CNTN4: variants seen among roughly 807,000 people sequenced by gnomAD.
The protein encoded by CNTN4 is contactin 4, also known as contactin-4.
Under a neutral mutation model 122.5 loss-of-function variants are expected in CNTN4, and 77 were observed. The ratio of observed to expected loss-of-function variants is 0.63; its 90% confidence interval spans 0.52 to 0.76. The LOEUF (loss-of-function observed/expected upper bound fraction) is 0.76. Among genes scored for constraint, CNTN4 ranks in the 30% least tolerant of loss-of-function variants. The pLI is 0.00. For synonymous variants in CNTN4, 512 were observed against 447.0 expected, an observed-to-expected ratio of 1.15 and a Z score of -1.83; for missense variants, 1,256 against 1,259.1, an observed-to-expected ratio of 1.00 and a Z score of 0.04.
intron 3 of CNTN4, among the ~76,000 whole-genome samples, chr3:2,561,044 G>A (rs1378588994): frequency 1.3e-5 from 2 of 152,144 alleles, no homozygotes; most frequent in Admixed American, 6.5e-5. Context: ...TGTGCGTAAT[G>A]ATGGACATAC....
At chr3:2,292,005 G>A (rs1346837167) in intron 2 of CNTN4, among the ~76,000 whole-genome samples, 1 of 152,072 alleles carries the variant, frequency 6.6e-6, no homozygotes, top group Admixed American at 6.6e-5. Flanking sequence ...CAAAGTGCTG[G>A]GATTACAGGC....
chr3:3,020,228 A>G (rs1386973987), intron 14 of CNTN4, among the ~76,000 whole-genome samples: 3 of 152,196 alleles, frequency 2.0e-5, no homozygotes, highest in East Asian at 3.8e-4. Flanking sequence ...CAGATTGTCC[A>G]TAAGTTATCT....
chr3:2,642,123 C>T (rs954115667), intron 4 of CNTN4, among the ~76,000 whole-genome samples: 10 of 152,196 alleles, frequency 6.6e-5, no homozygotes, highest in Non-Finnish European at 1.3e-4. Flanking sequence ...GGAAGCCAGT[C>T]CAAATCCCAA....
intron 15 of CNTN4, 61 bp downstream of exon 15, chr3:3,026,338 T>G: frequency 7.2e-7 from 1 of 1,393,104 alleles, no homozygotes; most frequent in Non-Finnish European, 1.0e-6. Flanking sequence ...TAACAATATA[T>G]TTAAAGTTAC....
intron 4 of CNTN4, among the ~76,000 whole-genome samples, chr3:2,733,500 AC>A (rs1481936635): frequency 8.6e-5 from 13 of 151,580 alleles, no homozygotes; most frequent in Non-Finnish European, 1.3e-4. Flanking sequence ...CCAACTTTAA[AC>A]ACAAATTTTT....
At chr3:2,373,417 G>A (rs969299614) in intron 3 of CNTN4, among the ~76,000 whole-genome samples, 3 of 152,250 alleles carry the variant, frequency 2.0e-5, no homozygotes, top group South Asian at 2.1e-4. Context: ...ACGTACAACT[G>A]TGTTGTTTTT....
intron 2 of CNTN4, among the ~76,000 whole-genome samples, chr3:2,219,319 G>A (rs900429776): frequency 1.3e-5 from 2 of 152,138 alleles, no homozygotes; most frequent in Non-Finnish European, 2.9e-5. Flanking sequence ...GGATTTTTGT[G>A]TCCCAGTGTT....
At chr3:2,364,106 T>G (rs1575466694) in intron 3 of CNTN4, among the ~76,000 whole-genome samples, 1 of 152,032 alleles carries the variant, frequency 6.6e-6, no homozygotes, top group East Asian at 1.9e-4. Context: ...AGTTGGGGGC[T>G]TGGTTTGGGG....
chr3:2,177,853 G>T (rs568900523), intron 2 of CNTN4, among the ~76,000 whole-genome samples: 7 of 152,182 alleles, frequency 4.6e-5, no homozygotes, highest in African/African-American at 1.4e-4. Flanking sequence ...ACTAGTGTTT[G>T]ACCAAACAAC....
intron 3 of CNTN4, among the ~76,000 whole-genome samples, chr3:2,357,480 C>T (rs2044921579): frequency 6.6e-6 from 1 of 152,186 alleles, no homozygotes; most frequent in Admixed American, 6.5e-5. Context: ...TTCACTATCG[C>T]TGTCTAGTTT....
At chr3:2,881,132 A>G (rs1277411313) in intron 8 of CNTN4, among the ~76,000 whole-genome samples, 1 of 152,194 alleles carries the variant, frequency 6.6e-6, no homozygotes, top group Non-Finnish European at 1.5e-5. Context: ...CTAGACTGTA[A>G]GTCATCAGAC....
intron 2 of CNTN4, among the ~76,000 whole-genome samples, chr3:2,205,002 G>T (rs919571133): frequency 6.6e-6 from 1 of 151,988 alleles, no homozygotes; most frequent in African/African-American, 2.4e-5. Context: ...ACAGATACAG[G>T]TTGGGAATTA....
chr3:2,217,532 A>G (rs2038895898), intron 2 of CNTN4, among the ~76,000 whole-genome samples: 1 of 152,234 alleles, frequency 6.6e-6, no homozygotes, highest in Non-Finnish European at 1.5e-5. Context: ...TTTGAAAATC[A>G]TAATCACTTT....
At chr3:2,555,872 G>T (rs1409224819) in intron 3 of CNTN4, among the ~76,000 whole-genome samples, 1 of 152,104 alleles carries the variant, frequency 6.6e-6, no homozygotes, top group Non-Finnish European at 1.5e-5. Context: ...GGCCTGGAGG[G>T]GCACACTGCT....
At chr3:2,132,620 G>C (rs565075241) in intron 2 of CNTN4, among the ~76,000 whole-genome samples, 4 of 152,188 alleles carry the variant, frequency 2.6e-5, no homozygotes, top group African/African-American at 9.6e-5. Context: ...CTCTGGACAG[G>C]GATGGAGAGT....
At chr3:2,968,755 C>T (rs550509458) in intron 13 of CNTN4, among the ~76,000 whole-genome samples, 2 of 152,240 alleles carry the variant, frequency 1.3e-5, no homozygotes, top group African/African-American at 2.4e-5. Context: ...GGTGAGGAGA[C>T]AAACAAGGAG....
chr3:2,875,729 T>C (rs1189920422), intron 8 of CNTN4, among the ~76,000 whole-genome samples: 1 of 152,226 alleles, frequency 6.6e-6, no homozygotes, highest in African/African-American at 2.4e-5. Flanking sequence ...ATACTTGTTA[T>C]TTGTGGCTCC....
rs549136602 is a variant in CNTN4, at chr3:2,186,676, G to T, written c.-145+86037G>T. 3.0e-3 allele frequency among the ~76,000 whole-genome samples: 464 copies of T among 152,276 alleles called. 3 individuals carry two copies. The highest frequency in any genetic ancestry group is 0.011 in the African/African-American group (442 of 41,554). On this transcript the variant is annotated intron_variant, in intron 2 of 24. Transcript: ENST00000418658. ...TGGTTTTGATTTGCATTTCTCTGAT[G>T]GTCAGTGATGATGAGCATTTTTTCA...
At chr3:2,614,095 G>A (rs1269280989) in intron 4 of CNTN4, among the ~76,000 whole-genome samples, 2 of 152,202 alleles carry the variant, frequency 1.3e-5, no homozygotes, top group African/African-American at 4.8e-5. Context: ...AAGAGCATGT[G>A]AGAGCAGGCC....
Sources: allele counts gnomAD v4.1 joint callset (sites outside exome capture counted in the v4.1 genomes callset), GRCh38; gene constraint gnomAD v4.1.1; transcripts MANE v1.5; gene names NCBI Gene and HGNC (gene_info 2026-07-23, HGNC 2026-07-21).